The following FIG4 variants were observed in gnomAD, a reference collection of about 807,000 sequenced individuals.
FIG4 encodes polyphosphoinositide phosphatase.
A neutral mutation model predicts 118.6 loss-of-function variants in FIG4; 112 were observed. The observed-to-expected ratio is 0.94, with a 90% CI of 0.81 to 1.11. FIG4 has a LOEUF of 1.11. Among genes scored for constraint, FIG4 ranks in the 50% least tolerant of loss-of-function variants. The pLI, the probability that FIG4 is intolerant of heterozygous loss-of-function variation, is 0.00. For synonymous variants in FIG4, 369 were observed against 381.2 expected, an observed-to-expected ratio of 0.97 and a Z score of 0.37; for missense variants, 969 against 1,111.7, an observed-to-expected ratio of 0.87 and a Z score of 1.83.
chr6:109,797,676 A>G (rs1348236498), intron 22 of FIG4, among the ~76,000 whole-genome samples: 1 of 152,054 alleles, frequency 6.6e-6, no homozygotes, highest in African/African-American at 2.4e-5. Context: ...TGGGTGGATC[A>G]CCTGAGGTCA....
chr6:109,726,712 C>T (rs1046481866), intron 3 of FIG4, among the ~76,000 whole-genome samples: 8 of 152,154 alleles, frequency 5.3e-5, no homozygotes, highest in African/African-American at 1.9e-4. Context: ...TGGGCATTTT[C>T]ACAATATTGA....
Position 109,692,316 on chromosome 6 carries a change from A to G in FIG4, c.66+815A>G, listed in dbSNP as rs138781673. Among the ~76,000 whole-genome samples, 23 of 152,316 alleles carry G rather than the reference A, an allele frequency of 1.5e-4. No homozygotes were observed. The East Asian group carries it at 1.5e-3, about 10-fold the overall frequency. ...TAATATTACCCATTTCATGCTAACA[A>G]GATTGCATATGCCAGATATTTTCAT... On this transcript the variant is annotated intron_variant, in intron 1 of 22. Coordinates refer to ENST00000230124, the MANE Select transcript of FIG4 (RefSeq NM_014845.6).
At chr6:109,779,566 T>A (rs1777732916) in intron 16 of FIG4, among the ~76,000 whole-genome samples, 1 of 152,198 alleles carries the variant, frequency 6.6e-6, no homozygotes, top group Non-Finnish European at 1.5e-5. Flanking sequence ...TTAGGTCTCC[T>A]TTTTCTGTTT....
chr6:109,721,262 G>C (rs1453360564), intron 3 of FIG4, among the ~76,000 whole-genome samples: 2 of 152,202 alleles, frequency 1.3e-5, no homozygotes, highest in African/African-American at 4.8e-5. Context: ...TGATTTGGTA[G>C]TAGAGATGTC....
At chr6:109,814,986 G>A (rs1778821186) in intron 22 of FIG4, among the ~76,000 whole-genome samples, 2 of 151,874 alleles carry the variant, frequency 1.3e-5, no homozygotes, top group Non-Finnish European at 2.9e-5. Context: ...GTATGTATAA[G>A]TATATACATG....
chr6:109,820,096 G>A lies in FIG4; in HGVS notation c.2547-4992G>A, dbSNP rs116376661. The stretch of plus-strand genomic sequence containing the variant: ...CCTATGCATCAGGCAGGGCTCCCAG[G>A]CAGGTACTGGTCCAACTCTGTCCTC... On this transcript the variant is annotated intron_variant, in intron 22 of 22. Coordinates refer to ENST00000230124, the MANE Select transcript of FIG4 (RefSeq NM_014845.6). 8.0e-3 allele frequency among the ~76,000 whole-genome samples: 1,218 copies of A among 152,242 alleles called. 23 individuals are homozygous for A. Among genetic ancestry groups the A allele is most frequent in the African/African-American group, 0.028 (1,158 of 41,540 alleles).
intron 22 of FIG4, among the ~76,000 whole-genome samples, chr6:109,819,617 C>T (rs536320395): frequency 1.3e-5 from 2 of 152,056 alleles, no homozygotes; most frequent in African/African-American, 2.4e-5. Context: ...TACAGGTGCC[C>T]GCCACCACGA....
At chr6:109,765,534 G>T (rs937786685) in intron 14 of FIG4, among the ~76,000 whole-genome samples, 1 of 152,040 alleles carries the variant, frequency 6.6e-6, no homozygotes, top group South Asian at 2.1e-4. Flanking sequence ...GTGTATTCTT[G>T]CCATGGTTTG....
chr6:109,713,197 T>C (rs1472994045), intron 1 of FIG4, among the ~76,000 whole-genome samples: 1 of 152,134 alleles, frequency 6.6e-6, no homozygotes, highest in African/African-American at 2.4e-5. Flanking sequence ...CGGTGGGATA[T>C]GTCCTCATTC....
intron 3 of FIG4, among the ~76,000 whole-genome samples, chr6:109,724,046 A>G (rs533101206): frequency 6.6e-6 from 1 of 152,060 alleles, no homozygotes; most frequent in Non-Finnish European, 1.5e-5. Context: ...CTTTTGGGCA[A>G]TATTTCCCAA....
chr6:109,727,189 A>C lies in FIG4; in HGVS notation c.370A>C (p.Ile124Leu). Reference sequence around the variant, plus strand: ...GATGGCGGATATTGGAGGTCATGCAATCTATAAGGTCGAAGATACAAATAT... The same window carrying C: ...GATGGCGGATATTGGAGGTCATGCACTCTATAAGGTCGAAGATACAAATAT... Reference protein sequence around the residue: ...RKMADIGGHAIYKVEDTNMIY... With the variant: ...RKMADIGGHALYKVEDTNMIY... Residue 124 changes from isoleucine to leucine, a missense_variant, in exon 4 of 23, where the codon ATC (isoleucine) becomes CTC (leucine). Around this residue, in one of 3 missense-constraint regions of FIG4, gnomAD observed 393 missense variants for 409.4 expected, o/e 0.96. Coordinates refer to ENST00000230124, the MANE Select transcript of FIG4 (RefSeq NM_014845.6). 6.2e-7 allele frequency: 1 copy of C among 1,611,370 alleles called. No individual in the cohort carries two copies. Among genetic ancestry groups the C allele is most frequent in the Non-Finnish European group, 8.5e-7 (1 of 1,177,556 alleles).
intron 22 of FIG4, among the ~76,000 whole-genome samples, chr6:109,803,074 G>A (rs1055713466): frequency 6.6e-6 from 1 of 152,148 alleles, no homozygotes; most frequent in African/African-American, 2.4e-5. Flanking sequence ...AATTCTGTGT[G>A]TTTAATCCAA....
At chr6:109,694,152 G>A (rs1366431296) in intron 1 of FIG4, among the ~76,000 whole-genome samples, 2 of 152,088 alleles carry the variant, frequency 1.3e-5, no homozygotes. Context: ...AAAAAATGAG[G>A]CAAAGATAAT....
intron 1 of FIG4, among the ~76,000 whole-genome samples, chr6:109,711,577 AGAATTGC>A (rs1388704936): frequency 6.6e-6 from 1 of 152,002 alleles, no homozygotes; most frequent in Non-Finnish European, 1.5e-5. Flanking sequence ...GTCAGAAACT[AGAATTGC>A]AACCCCTGCT....
chr6:109,765,562 C>CTGT (rs1281156203), intron 14 of FIG4, among the ~76,000 whole-genome samples: 2 of 151,942 alleles, frequency 1.3e-5, no homozygotes, highest in South Asian at 2.1e-4. Context: ...GGTTTTTCTT[C>CTGT]TGTTGTTGTT....
chr6:109,769,081 T>A (rs557787398), intron 15 of FIG4, among the ~76,000 whole-genome samples: 3 of 151,928 alleles, frequency 2.0e-5, no homozygotes, highest in South Asian at 2.1e-4. Context: ...GGGGTCATTA[T>A]TGACACTTAA....
chr6:109,714,281 G>C (rs1027474986), intron 1 of FIG4, among the ~76,000 whole-genome samples: 27 of 152,122 alleles, frequency 1.8e-4, no homozygotes, highest in Non-Finnish European at 2.9e-5. Context: ...GTCCCATGCA[G>C]GGTTCCCAGC....
intron 3 of FIG4, among the ~76,000 whole-genome samples, chr6:109,726,624 G>GT (rs1317034405): frequency 1.1e-4 from 17 of 152,092 alleles, no homozygotes; most frequent in Non-Finnish European, 1.8e-4. Flanking sequence ...ATTTAAAGTA[G>GT]TTTTTTCTAA....
chr6:109,817,501 C>T (rs141940234), intron 22 of FIG4, among the ~76,000 whole-genome samples: 4 of 151,732 alleles, frequency 2.6e-5, no homozygotes, highest in African/African-American at 9.7e-5. Context: ...AGCTTTATTT[C>T]TCTAAAGCCA....
Sources: gnomAD v4.1 joint callset for allele counts (sites outside exome capture counted in the v4.1 genomes callset) on GRCh38, gnomAD v4.1.1 for gene constraint, gnomAD v4.1.1 regional missense constraint, MANE v1.5 for transcripts, NCBI Gene and HGNC (gene_info 2026-07-23, HGNC 2026-07-21) for gene names.